The following CCR3 variants were observed in gnomAD, a reference collection of about 807,000 sequenced individuals.
The protein encoded by CCR3 is C-C chemokine receptor type 3.
For synonymous variants in CCR3, 203 were observed against 179.2 expected (o/e 1.13, Z -1.06); for missense variants, 419 against 437.5 (o/e 0.96, Z 0.38).
At chr3:46,249,276 C>T (rs146309725) in intron 1 of CCR3, among the ~76,000 whole-genome samples, 22,718 of 151,922 alleles carry the variant, frequency 0.15, 1,927 homozygotes, top group African/African-American at 0.21. Context: ...TAAAATATCT[C>T]GGCCTAATAA....
intron 2 of CCR3, among the ~76,000 whole-genome samples, chr3:46,223,080 G>A (rs538318608): frequency 6.6e-6 from 1 of 152,338 alleles, no homozygotes; most frequent in South Asian, 2.1e-4. Flanking sequence ...GAGGCCAGGT[G>A]TGTTGGCTCA....
intron 1 of CCR3, among the ~76,000 whole-genome samples, chr3:46,254,636 C>T (rs1308313168): frequency 9.5e-6 from 1 of 105,692 alleles, no homozygotes; most frequent in African/African-American, 2.7e-5. Flanking sequence ...CCCTCACTCC[C>T]CTCCCATCCT....
At chr3:46,228,394 TA>T (rs1350737248) in intron 2 of CCR3, among the ~76,000 whole-genome samples, 1 of 152,182 alleles carries the variant, frequency 6.6e-6, no homozygotes, top group Non-Finnish European at 1.5e-5. Context: ...CTATAGTAAA[TA>T]GCGAGTAACT....
At chr3:46,242,963 G>GTATATATATATATATGCACATATATATA (rs1700111985) in intron 1 of CCR3, among the ~76,000 whole-genome samples, 1 of 86,298 alleles carries the variant, frequency 1.2e-5, no homozygotes, top group African/African-American at 4.7e-5. Context: ...ATATATATGT[G>GTATATATATATATATGCACATATATATA]TATATATATA....
At chr3:46,256,813 C>CA (rs1410791177) in intron 1 of CCR3, among the ~76,000 whole-genome samples, 1 of 152,072 alleles carries the variant, frequency 6.6e-6, no homozygotes, top group African/African-American at 2.4e-5. Flanking sequence ...TGGATGAGAT[C>CA]AATCGAGAAT....
intron 1 of CCR3, among the ~76,000 whole-genome samples, chr3:46,260,522 C>A (rs1467221006): frequency 6.6e-6 from 1 of 152,194 alleles, no homozygotes; most frequent in Non-Finnish European, 1.5e-5. Context: ...GGGCTACAGG[C>A]CCCATGCAAA....
intron 2 of CCR3, among the ~76,000 whole-genome samples, chr3:46,234,688 C>A (rs953793266): frequency 6.6e-6 from 1 of 152,214 alleles, no homozygotes; most frequent in Non-Finnish European, 1.5e-5. Context: ...CCATGAAGAT[C>A]TGAGTCACTG....
At chr3:46,250,883 A>G (rs1700295765) in intron 1 of CCR3, among the ~76,000 whole-genome samples, 1 of 151,546 alleles carries the variant, frequency 6.6e-6, no homozygotes, top group Admixed American at 6.6e-5. Flanking sequence ...CACAGAGATA[A>G]GAGGTCTGGG....
At chr3:46,247,652 A>G (rs1375252077) in intron 1 of CCR3, among the ~76,000 whole-genome samples, 1 of 152,198 alleles carries the variant, frequency 6.6e-6, no homozygotes. Flanking sequence ...TGGGAAGGCT[A>G]AACTGAGGAA....
At chr3:46,213,810 C>A (rs1323231941) in intron 2 of CCR3, among the ~76,000 whole-genome samples, 1 of 152,238 alleles carries the variant, frequency 6.6e-6, no homozygotes, top group Non-Finnish European at 1.5e-5. Context: ...CCCAGTGGGA[C>A]CTCCAGTCCA....
intron 2 of CCR3, among the ~76,000 whole-genome samples, chr3:46,218,948 A>G (rs188560240): frequency 6.6e-6 from 1 of 152,266 alleles, no homozygotes; most frequent in Admixed American, 6.5e-5. Context: ...TCACACTTCT[A>G]TTCAGCATAT....
At chr3:46,264,677 G>T (rs1700584963) in intron 1 of CCR3, 2 of 487,902 alleles carry the variant, frequency 4.1e-6, no homozygotes, top group East Asian at 3.9e-5. Context: ...ATAATTACTT[G>T]TAATTGTAAT....
intron 1 of CCR3, among the ~76,000 whole-genome samples, chr3:46,246,471 T>G (rs1283742468): frequency 6.8e-6 from 1 of 147,904 alleles, no homozygotes; most frequent in African/African-American, 2.5e-5. Flanking sequence ...CGGGCAGGAG[T>G]GGGGGTCGCA....
At chr3:46,260,022 G>T (rs904271641) in intron 1 of CCR3, among the ~76,000 whole-genome samples, 1 of 152,106 alleles carries the variant, frequency 6.6e-6, no homozygotes, top group Non-Finnish European at 1.5e-5. Flanking sequence ...AAGGTGAAAG[G>T]CACATCTCAT....
intron 1 of CCR3, among the ~76,000 whole-genome samples, chr3:46,261,662 G>A (rs1449353982): frequency 6.6e-6 from 1 of 152,226 alleles, no homozygotes; most frequent in Non-Finnish European, 1.5e-5. Context: ...TCCCTGTGGG[G>A]CACTTCCTTA....
At chr3:46,242,963 G>GTGTATATATATA (rs1553644056) in intron 1 of CCR3, among the ~76,000 whole-genome samples, 1 of 86,296 alleles carries the variant, frequency 1.2e-5, no homozygotes, top group Non-Finnish European at 2.2e-5. Context: ...ATATATATGT[G>GTGTATATATATA]TATATATATA....
intron 2 of CCR3, among the ~76,000 whole-genome samples, chr3:46,226,770 C>G (rs1699901862): frequency 6.6e-6 from 1 of 151,936 alleles, no homozygotes; most frequent in Non-Finnish European, 1.5e-5. Flanking sequence ...ATAATGTTTT[C>G]TCTAGACTCT....
intron 1 of CCR3, among the ~76,000 whole-genome samples, chr3:46,255,150 G>A (rs1250898340): frequency 2.0e-5 from 3 of 152,082 alleles, no homozygotes; most frequent in African/African-American, 7.2e-5. Flanking sequence ...AATTAGTGGT[G>A]TTGAGCATTT....
chr3:46,224,897 A>G (rs996676886), intron 2 of CCR3, among the ~76,000 whole-genome samples: 4 of 152,200 alleles, frequency 2.6e-5, no homozygotes, highest in African/African-American at 7.2e-5. Context: ...CAGTATGTAA[A>G]GCTAAACATG....
Sources: gnomAD v4.1 joint callset for allele counts (sites outside exome capture counted in the v4.1 genomes callset) on GRCh38, gnomAD v4.1.1 for gene constraint, MANE v1.5 for transcripts, NCBI Gene and HGNC (gene_info 2026-07-23, HGNC 2026-07-21) for gene names.